NAALADL2: variants seen among roughly 807,000 people sequenced by gnomAD.
NAALADL2 encodes the protein N-acetylated alpha-linked acidic dipeptidase like 2.
Under a neutral mutation model 87.2 loss-of-function variants are expected in NAALADL2, and 76 were observed. The ratio of observed to expected loss-of-function variants is 0.87; its 90% CI spans 0.72 to 1.05. The LOEUF is 1.05. Ranked by LOEUF, NAALADL2 falls within the 50% of genes least tolerant of loss-of-function variation. The pLI, the probability that NAALADL2 is intolerant of heterozygous loss-of-function variation, is 0.00. For missense variants in NAALADL2, 1,089 were observed against 945.8 expected (o/e 1.15, Z -1.99); for synonymous variants, 354 against 331.0 (o/e 1.07, Z -0.75).
At chr3:175,638,541 TTGTGTCTTAA>T (rs538092231) in intron 11 of NAALADL2, among the ~76,000 whole-genome samples, 119 of 152,290 alleles carry the variant, frequency 7.8e-4, no homozygotes, top group Admixed American at 6.4e-3. Flanking sequence ...TGCCTAGACC[TTGTGTCTTAA>T]GTTTTAAGAG....
chr3:175,011,272 C>CAGAGAGAGAGAGAGAGAGAGAGAGAGAG (rs1408169414), intron 1 of NAALADL2, among the ~76,000 whole-genome samples: 1 of 110,288 alleles, frequency 9.1e-6, no homozygotes, highest in African/African-American at 3.1e-5. Flanking sequence ...GGGAGAGAGA[C>CAGAGAGAGAGAGAGAGAGAGAGAGAGAG]AGAGAGACAG....
At chr3:175,053,306 C>T (rs764325660) in intron 1 of NAALADL2, among the ~76,000 whole-genome samples, 11 of 152,094 alleles carry the variant, frequency 7.2e-5, no homozygotes, top group African/African-American at 2.2e-4. Flanking sequence ...TGGTGATCAC[C>T]GCTATCATAG....
In NAALADL2 at chr3:175,590,211, AATATATATATATATATATATATAT is replaced by A. The variant is rs66991809; in HGVS notation, c.1800+14058_1800+14081del. Among the ~76,000 whole-genome samples, 58 of 5,952 alleles carry A rather than the reference AATATATATATATATATATATATAT, an allele frequency of 9.7e-3. No homozygotes were observed. The Middle Eastern group carries it at 0.25, about 26-fold the overall frequency. The allele number at this position is 5,952 out of a possible 152,430, so 3.9% of individuals were successfully genotyped here. A position where few individuals can be genotyped will look rare whatever the true frequency, so the allele number is the denominator to read the frequency against. On this transcript the variant is annotated intron_variant, in intron 10 of 13. Transcript: ENST00000454872. The stretch of plus-strand genomic sequence containing the variant: ...TGGGCGACAGAGCGAGACTCCGTCT[AATATATATATATATATATATATAT>A]ATATATATATATATATATATATATA...
At chr3:175,464,123 A>G (rs1382457011) in intron 7 of NAALADL2, among the ~76,000 whole-genome samples, 1 of 152,164 alleles carries the variant, frequency 6.6e-6, no homozygotes, top group African/African-American at 2.4e-5. Context: ...GGGGTGAGCC[A>G]GCATGCCTGG....
intron 10 of NAALADL2, among the ~76,000 whole-genome samples, chr3:175,582,324 G>A (rs9869569): frequency 0.023 from 3,434 of 152,116 alleles, 100 homozygotes; most frequent in Admixed American, 0.063. Flanking sequence ...GCTGCAAGGA[G>A]GACAGCTTTC....
intron 1 of NAALADL2, among the ~76,000 whole-genome samples, chr3:174,456,413 A>G (rs1256928865): frequency 1.1e-5 from 1 of 90,350 alleles, no homozygotes; most frequent in Non-Finnish European, 2.5e-5. Flanking sequence ...ATCCTAAGCA[A>G]AAAAAAAAAA....
intron 1 of NAALADL2, among the ~76,000 whole-genome samples, chr3:174,954,592 G>T (rs1256634924): frequency 6.6e-6 from 1 of 152,026 alleles, no homozygotes; most frequent in African/African-American, 2.4e-5. Flanking sequence ...AGACATATTT[G>T]CTGGTATTTT....
At chr3:175,256,784 A>G (rs1449403970) in intron 4 of NAALADL2, 4 of 245,136 alleles carry the variant, frequency 1.6e-5, no homozygotes, top group Non-Finnish European at 2.3e-5. Context: ...TAAGTCAGGT[A>G]ACACTGAGTT....
chr3:174,726,972 T>C (rs1178099251), intron 2 of NAALADL2, among the ~76,000 whole-genome samples: 1 of 152,172 alleles, frequency 6.6e-6, no homozygotes, highest in African/African-American at 2.4e-5. Flanking sequence ...GAATATGTGG[T>C]TCATTTATTT....
intron 2 of NAALADL2, among the ~76,000 whole-genome samples, chr3:174,621,587 G>A (rs1296365989): frequency 6.6e-6 from 1 of 152,038 alleles, no homozygotes; most frequent in Admixed American, 6.5e-5. Flanking sequence ...TGGCATTATA[G>A]AAAAGATCAC....
chr3:175,003,643 A>T (rs377029821), intron 1 of NAALADL2, among the ~76,000 whole-genome samples: 7 of 152,216 alleles, frequency 4.6e-5, no homozygotes, highest in African/African-American at 1.4e-4. Flanking sequence ...TATGAAAAAA[A>T]ATATACCTTC....
chr3:175,415,283 T>C (rs16825665), intron 5 of NAALADL2, among the ~76,000 whole-genome samples: 1 of 151,948 alleles, frequency 6.6e-6, no homozygotes, highest in Non-Finnish European at 1.5e-5. Context: ...GATGATGAGC[T>C]TTTAAAAAAA....
At chr3:175,798,112 G>C (rs1037013581) in intron 13 of NAALADL2, among the ~76,000 whole-genome samples, 2 of 151,998 alleles carry the variant, frequency 1.3e-5, no homozygotes, top group African/African-American at 4.8e-5. Flanking sequence ...AACTGCAAAA[G>C]ATGAGCTAAT....
At chr3:174,495,630 G>A (rs187696967) in intron 1 of NAALADL2, among the ~76,000 whole-genome samples, 53 of 151,292 alleles carry the variant, frequency 3.5e-4, no homozygotes, top group African/African-American at 1.2e-3. Context: ...CCAACGAAGG[G>A]CAATGTAAAT....
At chr3:174,809,765 G>T (rs1719949054) in intron 3 of NAALADL2, among the ~76,000 whole-genome samples, 1 of 152,030 alleles carries the variant, frequency 6.6e-6, no homozygotes, top group South Asian at 2.1e-4. Context: ...GATATTATTT[G>T]TATCTGTATT....
chr3:174,616,491 C>G (rs612021), intron 2 of NAALADL2, among the ~76,000 whole-genome samples: 104 of 151,768 alleles, frequency 6.9e-4, no homozygotes, highest in Non-Finnish European at 1.4e-3. Context: ...GGAACATTCA[C>G]TCAGAACCAC....
intron 6 of NAALADL2, among the ~76,000 whole-genome samples, chr3:175,452,606 C>A (rs1337669546): frequency 6.6e-6 from 1 of 152,014 alleles, no homozygotes; most frequent in Non-Finnish European, 1.5e-5. Context: ...ATTCAGGGAG[C>A]TAGAACTCTT....
intron 4 of NAALADL2, among the ~76,000 whole-genome samples, chr3:175,262,443 C>CT (rs1418309116): frequency 6.6e-6 from 1 of 151,944 alleles, no homozygotes; most frequent in Non-Finnish European, 1.5e-5. Flanking sequence ...TGGTGGAACT[C>CT]TATTTTTTGT....
At chr3:174,943,945 G>A (rs1432832240) in intron 1 of NAALADL2, among the ~76,000 whole-genome samples, 2 of 152,118 alleles carry the variant, frequency 1.3e-5, no homozygotes, top group African/African-American at 2.4e-5. Flanking sequence ...CTAATGGCCC[G>A]ATAGCTCTGG....
Sources: allele counts gnomAD v4.1 joint callset (sites outside exome capture counted in the v4.1 genomes callset), GRCh38; gene constraint gnomAD v4.1.1; transcripts MANE v1.5; gene names NCBI Gene and HGNC (gene_info 2026-07-23, HGNC 2026-07-21).